Variants in TMEM182 observed in about 807,000 individuals in gnomAD.
TMEM182 encodes the protein transmembrane protein 182.
Under a neutral mutation model 26.8 loss-of-function variants are expected in TMEM182, and 20 were observed. The observed-to-expected ratio is 0.75, with a 90% CI of 0.53 to 1.09. The LOEUF (loss-of-function observed/expected upper bound fraction) is 1.09. Ranked by LOEUF, TMEM182 falls within the 50% of genes least tolerant of loss-of-function variation. The pLI is 0.00. For synonymous variants in TMEM182, 109 were observed against 102.2 expected, an observed-to-expected ratio of 1.07 and a Z score of -0.40; for missense variants, 277 against 275.5, an observed-to-expected ratio of 1.01 and a Z score of -0.04.
chr2:102,808,538 A>G (rs1448810861), intron 4 of TMEM182, among the ~76,000 whole-genome samples: 1 of 152,164 alleles, frequency 6.6e-6, no homozygotes, highest in South Asian at 2.1e-4. Context: ...TGTGCTCCAT[A>G]CAAAAATTTC....
intron 4 of TMEM182, among the ~76,000 whole-genome samples, chr2:102,800,309 T>C (rs1330946977): frequency 6.6e-6 from 1 of 152,210 alleles, no homozygotes; most frequent in African/African-American, 2.4e-5. Flanking sequence ...CCTGACCAGC[T>C]CTAAGAAACC....
intron 4 of TMEM182, among the ~76,000 whole-genome samples, chr2:102,805,166 T>G (rs1682300443): frequency 6.6e-6 from 1 of 152,262 alleles, no homozygotes; most frequent in Non-Finnish European, 1.5e-5. Flanking sequence ...TACTTTTCTT[T>G]CTCTGATTCT....
At chr2:102,786,180 A>G (rs947849922) in intron 3 of TMEM182, among the ~76,000 whole-genome samples, 5 of 146,446 alleles carry the variant, frequency 3.4e-5, no homozygotes, top group African/African-American at 1.0e-4. Context: ...CGGCACATGG[A>G]GAGGAAGATT....
At chr2:102,764,281 G>A (rs1435710355) in intron 2 of TMEM182, 48 bp from the exon 3 acceptor site, 1 of 1,571,626 alleles carries the variant, frequency 6.4e-7, no homozygotes, top group Admixed American at 1.7e-5. Context: ...GATGAGTCAT[G>A]ACTGAGCTTT....
At position 102,797,986 on chromosome 2, in the gene TMEM182, C is replaced by T. The variant is rs772002704; in HGVS notation, c.455C>T (p.Ser152Leu). The T allele has an allele frequency of 3.1e-6, 5 of 1,613,876 alleles. No homozygotes were observed. In the South Asian group the frequency reaches 5.5e-5, roughly 18 times the overall value. The change falls in exon 4 of 5, where the codon TCA becomes TTA. Residue 152 changes from serine (S) to leucine (L), a missense_variant. Ser to Leu is a moderately radical substitution (Grantham distance 145). Coordinates refer to ENST00000412401, the MANE Select transcript of TMEM182 (RefSeq NM_144632.5). ...SHFLYKAGGG[S>L]YIAAGILFSL... is the part of the protein sequence containing the mutation. ...TTTCTCTACAAAGCTGGGGGAGGCTCATATATTGCTGCAGGTACGTACGGT... is the reference window on the plus strand; with the variant it reads ...TTTCTCTACAAAGCTGGGGGAGGCTTATATATTGCTGCAGGTACGTACGGT...
At chr2:102,828,708 T>C (rs1164665248) in intron 3 of TMEM182, among the ~76,000 whole-genome samples, 1 of 152,296 alleles carries the variant, frequency 6.6e-6, no homozygotes. Context: ...GTCTCCACAC[T>C]AGGCTACCCC....
Position 102,762,673 on chromosome 2 carries a change from GA to G in TMEM182, c.221del (p.Lys74SerfsTer24). 6.2e-7 allele frequency: 1 copy of G among 1,613,544 alleles called. No individual in the cohort carries two copies. Among genetic ancestry groups the G allele is most frequent in the Non-Finnish European group, 8.5e-7 (1 of 1,179,670 alleles). On this transcript the variant is annotated frameshift_variant, in exon 2 of 5. Transcript: ENST00000412401. LOFTEE classifies it high-confidence loss of function. ...IVEENDSNIW[K>X]FWYTNQPPSK... ...TGGAAGAGAATGACTCCAATATTTG[GA>G]AGTTCTGGTACAGTAAGTACAATTT... is the stretch of plus-strand genomic sequence containing the variant.
At chr2:102,818,243 A>G (rs371675061), downstream of TMEM182, among the ~76,000 whole-genome samples, 36 of 152,234 alleles carry the variant, frequency 2.4e-4, no homozygotes, top group African/African-American at 8.7e-4. Flanking sequence ...GGAGTTAAAT[A>G]TATGGAGACA....
chr2:102,836,222 A>C (rs1683244400), intron 3 of TMEM182, among the ~76,000 whole-genome samples: 1 of 152,206 alleles, frequency 6.6e-6, no homozygotes, highest in African/African-American at 2.4e-5. Context: ...TTGTGGGGAC[A>C]CAAATTTTAA....
chr2:102,772,524 A>C (rs1372180203), intron 3 of TMEM182, among the ~76,000 whole-genome samples: 3 of 151,998 alleles, frequency 2.0e-5, no homozygotes, highest in Non-Finnish European at 4.4e-5. Context: ...CCCATGAGCT[A>C]TTTTGGAAGC....
At chr2:102,824,533 T>C (rs1161119450) in intron 3 of TMEM182, among the ~76,000 whole-genome samples, 6 of 152,212 alleles carry the variant, frequency 3.9e-5, no homozygotes, top group Non-Finnish European at 7.4e-5. Flanking sequence ...CCATGTAAGA[T>C]GTACCTGCTG....
intron 4 of TMEM182, among the ~76,000 whole-genome samples, chr2:102,805,105 A>G (rs1300338417): frequency 6.6e-6 from 1 of 152,248 alleles, no homozygotes; most frequent in African/African-American, 2.4e-5. Context: ...TTAATATTAT[A>G]TAGAAAAGAG....
chr2:102,818,801 A>G (rs1682841163), downstream of TMEM182, among the ~76,000 whole-genome samples: 1 of 147,218 alleles, frequency 6.8e-6, no homozygotes, highest in African/African-American at 2.5e-5. Flanking sequence ...ATACAGTTAA[A>G]TTGATCTCTA....
upstream of TMEM182, among the ~76,000 whole-genome samples, chr2:102,761,799 A>G (rs17027919): frequency 8.1e-3 from 1,229 of 152,326 alleles, 18 homozygotes; most frequent in African/African-American, 0.027. Context: ...TTTGGGGCCA[A>G]TGCTTTCAAT....
upstream of TMEM182, among the ~76,000 whole-genome samples, chr2:102,761,327 G>A (rs2540299): frequency 1.3e-5 from 2 of 151,888 alleles, no homozygotes; most frequent in African/African-American, 2.4e-5. Context: ...AAAAGAAGTC[G>A]ATCAGGTTAT....
At chr2:102,793,540 C>T (rs1359670261) in intron 3 of TMEM182, among the ~76,000 whole-genome samples, 2 of 152,142 alleles carry the variant, frequency 1.3e-5, no homozygotes, top group African/African-American at 4.8e-5. Flanking sequence ...ACCCATCCCC[C>T]TGAGGATATG....
At chr2:102,748,113 A>G (rs1407294065) in intron 1 of TMEM182, among the ~76,000 whole-genome samples, 1 of 152,248 alleles carries the variant, frequency 6.6e-6, no homozygotes, top group Non-Finnish European at 1.5e-5. Context: ...GAGATGGATA[A>G]GCCCCATTCA....
intron 4 of TMEM182, among the ~76,000 whole-genome samples, chr2:102,804,761 A>G (rs1336174647): frequency 6.6e-6 from 1 of 152,216 alleles, no homozygotes; most frequent in African/African-American, 2.4e-5. Context: ...AGTAGTTAAT[A>G]TAAACTATTT....
intron 3 of TMEM182, among the ~76,000 whole-genome samples, chr2:102,797,209 T>G (rs1681906851): frequency 1.3e-5 from 2 of 152,236 alleles, no homozygotes; most frequent in Non-Finnish European, 2.9e-5. Flanking sequence ...TAGAAAGAGG[T>G]AAGCCTTAAA....
Sources: gnomAD v4.1 joint callset for allele counts (sites outside exome capture counted in the v4.1 genomes callset) on GRCh38, gnomAD v4.1.1 for gene constraint, MANE v1.5 for transcripts, NCBI Gene and HGNC (gene_info 2026-07-23, HGNC 2026-07-21) for gene names.